FOXP1: variants seen among roughly 807,000 people sequenced by gnomAD.
The protein encoded by FOXP1 is forkhead box protein P1.
FOXP1 carries 15 observed loss-of-function variants against 98.2 expected under a neutral mutation model. That is an observed-to-expected ratio of 0.15 (90% confidence interval 0.10 to 0.24). The LOEUF (loss-of-function observed/expected upper bound fraction) is 0.24, where lower values mean the gene tolerates loss of function less well. Ranked by LOEUF, FOXP1 falls within the 10% of genes least tolerant of loss-of-function variation. FOXP1 has a pLI of 1.00. For synonymous variants in FOXP1, 371 were observed against 314.5 expected (o/e 1.18, Z -1.90); for missense variants, 633 against 848.5 (o/e 0.75, Z 3.15).
At chr3:71,382,701 C>G (rs942533129) in intron 3 of FOXP1, among the ~76,000 whole-genome samples, 6 of 152,210 alleles carry the variant, frequency 3.9e-5, no homozygotes, top group Admixed American at 1.3e-4. Flanking sequence ...AGAGCTGGAT[C>G]AAGTCTCTCC....
intron 2 of FOXP1, among the ~76,000 whole-genome samples, chr3:71,525,007 T>G (rs1414136739): frequency 1.3e-5 from 2 of 152,230 alleles, no homozygotes; most frequent in African/African-American, 4.8e-5. Context: ...TCACAGCGAT[T>G]AAGAATTAAA....
intron 12 of FOXP1, among the ~76,000 whole-genome samples, chr3:71,013,267 A>C (rs916884475): frequency 3.9e-5 from 6 of 152,170 alleles, no homozygotes; most frequent in African/African-American, 1.4e-4. Context: ...TTAAGAACCA[A>C]ATTGGTAGCT....
intron 2 of FOXP1, among the ~76,000 whole-genome samples, chr3:71,497,783 CT>C (rs2091519421): frequency 6.6e-6 from 1 of 152,178 alleles, no homozygotes; most frequent in Admixed American, 6.5e-5. Context: ...AACCTTTGTT[CT>C]TTTCCACTTC....
At chr3:71,432,441 C>T (rs1033890920) in intron 3 of FOXP1, among the ~76,000 whole-genome samples, 1 of 152,188 alleles carries the variant, frequency 6.6e-6, no homozygotes, top group Non-Finnish European at 1.5e-5. Context: ...TTGACGCACC[C>T]CTCCCGGGCC....
chr3:71,386,618 C>G (rs1234694535), intron 3 of FOXP1, among the ~76,000 whole-genome samples: 2 of 151,926 alleles, frequency 1.3e-5, no homozygotes, highest in Non-Finnish European at 2.9e-5. Flanking sequence ...TAGCGCATGC[C>G]TGTAGTCCCA....
chr3:70,965,543 A>G (rs535757090), intron 20 of FOXP1, among the ~76,000 whole-genome samples: 1 of 152,310 alleles, frequency 6.6e-6, no homozygotes, highest in African/African-American at 2.4e-5. Flanking sequence ...AACATGCCCG[A>G]AAGTTGAACA....
chr3:71,321,859 A>G (rs2075408414), intron 4 of FOXP1, among the ~76,000 whole-genome samples: 1 of 152,078 alleles, frequency 6.6e-6, no homozygotes, highest in Non-Finnish European at 1.5e-5. Flanking sequence ...CTGACCTGTG[A>G]TCCGCCTGCC....
chr3:71,088,893 T>C (rs549971189), intron 7 of FOXP1, among the ~76,000 whole-genome samples: 86 of 152,284 alleles, frequency 5.6e-4, no homozygotes, highest in African/African-American at 2.0e-3. Context: ...TCTTTCTTAT[T>C]AGTACAGGCA....
At chr3:71,571,682 A>G (rs1352239776) in intron 2 of FOXP1, 1 of 152,238 alleles carries the variant, frequency 6.6e-6, no homozygotes, top group Non-Finnish European at 1.5e-5. Flanking sequence ...TTACTCAGCA[A>G]TGAGCCTGAC....
intron 2 of FOXP1, among the ~76,000 whole-genome samples, chr3:71,497,762 G>A (rs2091518075): frequency 6.6e-6 from 1 of 152,144 alleles, no homozygotes; most frequent in African/African-American, 2.4e-5. Context: ...CTCCAGCTGA[G>A]AACACTATCA....
chr3:70,993,781 G>C (rs1250449446), intron 13 of FOXP1, among the ~76,000 whole-genome samples: 4 of 152,148 alleles, frequency 2.6e-5, no homozygotes, highest in Non-Finnish European at 5.9e-5. Flanking sequence ...GATCCCTTGA[G>C]CTCAGGAATT....
intron 5 of FOXP1, among the ~76,000 whole-genome samples, chr3:71,230,583 T>A (rs1576489272): frequency 6.6e-6 from 1 of 152,142 alleles, no homozygotes; most frequent in African/African-American, 2.4e-5. Flanking sequence ...CACAAATATA[T>A]TAGTAGTTAA....
intron 7 of FOXP1, among the ~76,000 whole-genome samples, chr3:71,079,211 A>G (rs1348264356): frequency 5.9e-5 from 9 of 151,662 alleles, no homozygotes; most frequent in Admixed American, 2.0e-4. Context: ...CAGCAGCCCA[A>G]CTCCTCATTA....
At chr3:71,376,299 T>G (rs1057176294) in intron 3 of FOXP1, among the ~76,000 whole-genome samples, 1 of 152,056 alleles carries the variant, frequency 6.6e-6, no homozygotes, top group Non-Finnish European at 1.5e-5. Context: ...TCCCAAAAAG[T>G]TGCTGTACTG....
intron 11 of FOXP1, among the ~76,000 whole-genome samples, chr3:71,017,995 A>T (rs972407436): frequency 6.6e-6 from 1 of 152,198 alleles, no homozygotes; most frequent in African/African-American, 2.4e-5. Context: ...TTAGGATGAA[A>T]AATTAATATT....
At chr3:71,324,091 A>G (rs1319860258) in intron 4 of FOXP1, among the ~76,000 whole-genome samples, 1 of 151,908 alleles carries the variant, frequency 6.6e-6, no homozygotes, top group African/African-American at 2.4e-5. Context: ...ATAAAATTAT[A>G]TATTTATAAT....
intron 6 of FOXP1, among the ~76,000 whole-genome samples, chr3:71,164,044 C>A (rs914120325): frequency 2.0e-5 from 3 of 152,124 alleles, no homozygotes; most frequent in Admixed American, 2.0e-4. Context: ...AAAGCTCAAT[C>A]CCATGCCATC....
rs1248434351 is a variant in FOXP1 at position 70,959,035 on chromosome 3, C to CT, written c.*211dup. The CT allele has an allele frequency of 3.6e-5, 20 of 559,718 alleles. No individual in the cohort carries two copies. Among genetic ancestry groups the CT allele is most frequent in the Non-Finnish European group, 4.1e-5 (13 of 318,552 alleles). 34.7% of individuals were successfully genotyped at this position (559,718 alleles called of 1,614,324 possible). On this transcript the variant is annotated 3_prime_UTR_variant, in exon 21 of 21. Coordinates refer to ENST00000649528, the MANE Select transcript of FOXP1 (RefSeq NM_001349338.3). ...CATCCAATGCACAGAGTACAAATTC[C>CT]TTTTTTCAACAAAAAGTAGAAAAAT...
intron 7 of FOXP1, among the ~76,000 whole-genome samples, chr3:71,069,114 T>C (rs190689753): frequency 6.6e-6 from 1 of 152,388 alleles, no homozygotes; most frequent in African/African-American, 2.4e-5. Context: ...GTTTTTCTTC[T>C]GTGCCTGCAA....
Sources: allele counts gnomAD v4.1 joint callset (sites outside exome capture counted in the v4.1 genomes callset), GRCh38; gene constraint gnomAD v4.1.1; transcripts MANE v1.5; gene names NCBI Gene and HGNC (gene_info 2026-07-23, HGNC 2026-07-21).